Variants in PPP2R2C observed in about 807,000 individuals in gnomAD.
PPP2R2C encodes the protein protein phosphatase 2, regulatory subunit B, gamma.
PPP2R2C carries 10 observed loss-of-function variants against 45.3 expected under a neutral mutation model. That is an observed-to-expected ratio of 0.22 (90% CI 0.14 to 0.37). The LOEUF (loss-of-function observed/expected upper bound fraction) is 0.37. Among genes scored for constraint, PPP2R2C ranks in the 10% least tolerant of loss-of-function variants. PPP2R2C has a pLI of 1.00. For missense variants in PPP2R2C, 308 were observed against 619.7 expected (o/e 0.50, Z 5.34); for synonymous variants, 257 against 245.4 (o/e 1.05, Z -0.44).
intron 1 of PPP2R2C, among the ~76,000 whole-genome samples, chr4:6,465,181 G>GAAAAA (rs75238697): frequency 2.0e-5 from 3 of 151,372 alleles, no homozygotes; most frequent in African/African-American, 2.4e-5. Flanking sequence ...AAACCTGTAG[G>GAAAAA]AAAAAAAAGA....
In PPP2R2C at chr4:6,378,658, G is replaced by A. The variant is rs963408160; in HGVS notation, c.169-86C>T. On this transcript the variant is annotated intron_variant, in intron 2 of 8. Transcript: ENST00000382599. The surrounding 1 kb of genome is among the most constrained non-coding windows in gnomAD (Gnocchi z 5.2). ...CTCCGGGGACCCAGCAGGGCCGGCC[G>A]TGGGACCAAGTGCCGAGCCGTGCCA... 1.1e-5 allele frequency: 16 copies of A among 1,394,712 alleles called. No homozygotes were observed. The highest frequency in any genetic ancestry group is 8.4e-5 in the Admixed American group (4 of 47,366). 86.4% of individuals were successfully genotyped at this position (1,394,712 alleles called of 1,614,324 possible).
At chr4:6,348,870 G>T in intron 5 of PPP2R2C, 2 of 679,858 alleles carry the variant, frequency 2.9e-6, no homozygotes, top group Non-Finnish European at 3.6e-6. Flanking sequence ...GCCAATAAAT[G>T]TCCATTTTTT....
In PPP2R2C at chr4:6,456,284, G is replaced by C. The variant is rs926616059; in HGVS notation, c.70+15876C>G. On this transcript the variant is annotated intron_variant, in intron 1 of 8. Coordinates refer to ENST00000382599, the MANE Select transcript of PPP2R2C (RefSeq NM_020416.4). ...ACAAAATGTGAGCAGTGTTTCTGGAGTAGTGAAATGAAGGATGTTATTTCC... is the reference window on the plus strand; with the variant it reads ...ACAAAATGTGAGCAGTGTTTCTGGACTAGTGAAATGAAGGATGTTATTTCC... Among the ~76,000 whole-genome samples the C allele has an allele frequency of 5.0e-5, 7 of 140,872 alleles. No homozygotes were observed. The Admixed American group carries it at 5.4e-4, about 11-fold the overall frequency. The allele number at this position is 140,872 out of a possible 152,430, so 92.4% of individuals were successfully genotyped here.
chr4:6,370,459 G>A (rs569290902), intron 5 of PPP2R2C, among the ~76,000 whole-genome samples: 2 of 152,306 alleles, frequency 1.3e-5, no homozygotes, highest in Admixed American at 6.5e-5. Context: ...GGTTGGGGGC[G>A]GAGCTGACTC....
intron 3 of PPP2R2C, 83 bp from the exon 4 acceptor site, chr4:6,376,014 A>G (rs1715272288): frequency 1.7e-6 from 2 of 1,165,254 alleles, no homozygotes; most frequent in Non-Finnish European, 2.5e-6. Context: ...AGGTGAAATC[A>G]TGAGGCACCT....
intron 1 of PPP2R2C, among the ~76,000 whole-genome samples, chr4:6,388,770 C>T (rs929479554): frequency 4.6e-5 from 7 of 152,168 alleles, no homozygotes; most frequent in African/African-American, 1.7e-4. Context: ...TCCCTGGAGC[C>T]GTCAGAGGGA....
In PPP2R2C at chr4:6,518,046, T is replaced by C. The variant is rs1723882017; in HGVS notation, c.49+17225A>G. Among the ~76,000 whole-genome samples the C allele has an allele frequency of 2.0e-5, 3 of 152,226 alleles. No individual in the cohort carries two copies. In the South Asian group the frequency reaches 6.2e-4, roughly 32 times the overall value. On this transcript the variant is annotated intron_variant, in intron 2 of 9. Transcript: ENST00000506140. ...ATGGAGAGGATTGAAACAACACACT[T>C]CTATATAACACATGACTCAAAGAAG...
intron 2 of PPP2R2C, among the ~76,000 whole-genome samples, chr4:6,520,914 T>A (rs2108813600): frequency 6.6e-6 from 1 of 152,338 alleles, no homozygotes; most frequent in Non-Finnish European, 1.5e-5. Context: ...AGTGGCCGAA[T>A]GGAGACTGAT....
Position 6,324,199 on chromosome 4 carries a change from AG to A in PPP2R2C, c.1053-607del, listed in dbSNP as rs1443547797. ...GTAATCCCAGCACTTTGGGAAGCCAAGGCGGGCAGATCACCTGAGGTTAGGA... is the reference window on the plus strand; with the variant it reads ...GTAATCCCAGCACTTTGGGAAGCCAAGCGGGCAGATCACCTGAGGTTAGGA... On this transcript the variant is annotated intron_variant, in intron 8 of 8. Transcript: ENST00000382599. The surrounding 1 kb of genome is among the most constrained non-coding windows in gnomAD (Gnocchi z 4.1). 6.6e-6 allele frequency among the ~76,000 whole-genome samples: 1 copy of A among 152,142 alleles called. No individual in the cohort carries two copies. Among genetic ancestry groups the A allele is most frequent in the Non-Finnish European group, 1.5e-5 (1 of 68,022 alleles).
chr4:6,334,383 C>T (rs1231562799), intron 6 of PPP2R2C, among the ~76,000 whole-genome samples: 1 of 152,198 alleles, frequency 6.6e-6, no homozygotes, highest in Non-Finnish European at 1.5e-5. Flanking sequence ...AGTTGCTTAT[C>T]TGGTCCCTAA....
intron 1 of PPP2R2C, among the ~76,000 whole-genome samples, chr4:6,536,134 C>A (rs1445809801): frequency 3.3e-5 from 5 of 152,114 alleles, no homozygotes; most frequent in Non-Finnish European, 7.3e-5. Flanking sequence ...AAATTATCAA[C>A]AGACACTGAA....
chr4:6,350,429 A>G, intron 5 of PPP2R2C: 1 of 985,438 alleles, frequency 1.0e-6, no homozygotes, highest in Non-Finnish European at 1.2e-6. Flanking sequence ...GGCAGGGCAG[A>G]GAGGGGCTAC....
intron 2 of PPP2R2C, among the ~76,000 whole-genome samples, chr4:6,484,551 G>A (rs1722471028): frequency 6.7e-6 from 1 of 150,224 alleles, no homozygotes; most frequent in East Asian, 1.9e-4. Flanking sequence ...TTTACACTGT[G>A]TTGAATTTCA....
intron 1 of PPP2R2C, among the ~76,000 whole-genome samples, chr4:6,451,600 G>T (rs961386562): frequency 1.3e-5 from 2 of 152,142 alleles, no homozygotes; most frequent in Non-Finnish European, 2.9e-5. Context: ...AGAAGGTGCT[G>T]CAAGCTGATA....
chr4:6,533,664 A>T (rs1724482497), intron 2 of PPP2R2C, among the ~76,000 whole-genome samples: 1 of 152,206 alleles, frequency 6.6e-6, no homozygotes, highest in Admixed American at 6.5e-5. Flanking sequence ...TGCAGACTTT[A>T]AGACTCTCTG....
chr4:6,540,371 C>G (rs1385235790), intron 1 of PPP2R2C, among the ~76,000 whole-genome samples: 1 of 152,196 alleles, frequency 6.6e-6, no homozygotes, highest in Non-Finnish European at 1.5e-5. Flanking sequence ...ATGATGTGTT[C>G]AAGGTTCATT....
At chr4:6,432,383 G>A (rs1249251636) in intron 1 of PPP2R2C, among the ~76,000 whole-genome samples, 1 of 152,214 alleles carries the variant, frequency 6.6e-6, no homozygotes, top group Admixed American at 6.5e-5. Context: ...CCCCAGGGAT[G>A]AAACAAGTGT....
In PPP2R2C at chr4:6,330,649, G is replaced by A. The variant is rs144464588; in HGVS notation, c.961-1296C>T. Among the ~76,000 whole-genome samples, 562 of 152,234 alleles carry A rather than the reference G, an allele frequency of 3.7e-3. 2 individuals carry two copies. Among genetic ancestry groups the A allele is most frequent in the Non-Finnish European group, 5.4e-3 (365 of 68,008 alleles). On this transcript the variant is annotated intron_variant, in intron 7 of 8. Transcript: ENST00000382599. The surrounding 1 kb of genome is among the most constrained non-coding windows in gnomAD (Gnocchi z 7.0). ...GCTCTGCAGATTTAGAACATGCCAC[G>A]TGAGCTAATTCCTTCAAATCTCCCT...
intron 6 of PPP2R2C, among the ~76,000 whole-genome samples, chr4:6,335,345 T>C (rs991759449): frequency 6.6e-6 from 1 of 152,024 alleles, no homozygotes; most frequent in Non-Finnish European, 1.5e-5. Flanking sequence ...GACCAAGGTC[T>C]GAGTGAAGTT....
Sources: allele counts gnomAD v4.1 joint callset (sites outside exome capture counted in the v4.1 genomes callset), GRCh38; gene constraint gnomAD v4.1.1; non-coding constraint Gnocchi (gnomAD v3.1); transcripts MANE v1.5; gene names NCBI Gene and HGNC (gene_info 2026-07-23, HGNC 2026-07-21).